The following COPG2 variants were observed in gnomAD, a reference collection of about 807,000 sequenced individuals.
COPG2 encodes coatomer subunit gamma-2.
Under a neutral mutation model 46.3 loss-of-function variants are expected in COPG2, and 37 were observed. The observed-to-expected ratio is 0.80, with a 90% CI of 0.61 to 1.05. COPG2 has a LOEUF of 1.05. Among genes scored for constraint, COPG2 ranks in the 50% least tolerant of loss-of-function variants. The pLI is 0.00. For synonymous variants in COPG2, 159 were observed against 129.7 expected (o/e 1.23, Z -1.53); for missense variants, 427 against 387.8 (o/e 1.10, Z -0.85).
intron 20 of COPG2, among the ~76,000 whole-genome samples, chr7:130,525,913 G>A (rs1196336668): frequency 7.0e-6 from 1 of 143,182 alleles, no homozygotes; most frequent in Non-Finnish European, 1.5e-5. Flanking sequence ...TTCTACACAC[G>A]GGTGTTGTGA....
chr7:130,599,093 G>T (rs1794583951), intron 9 of COPG2, among the ~76,000 whole-genome samples: 1 of 152,172 alleles, frequency 6.6e-6, no homozygotes, highest in African/African-American at 2.4e-5. Flanking sequence ...GCCAGGCAGG[G>T]CCAATGCCCC....
intron 20 of COPG2, among the ~76,000 whole-genome samples, chr7:130,530,038 A>AG (rs1414231374): frequency 1.3e-5 from 2 of 152,048 alleles, no homozygotes; most frequent in African/African-American, 4.8e-5. Flanking sequence ...GAGTTTGGAG[A>AG]GGGTCAGGGT....
intron 5 of COPG2, among the ~76,000 whole-genome samples, chr7:130,617,788 T>C (rs1584582933): frequency 6.6e-6 from 1 of 152,278 alleles, no homozygotes; most frequent in Middle Eastern, 3.4e-3. Context: ...CTGATAGTCC[T>C]TCATTTCTTT....
intron 5 of COPG2, among the ~76,000 whole-genome samples, chr7:130,636,048 T>C (rs1451500084): frequency 6.6e-6 from 1 of 152,216 alleles, no homozygotes; most frequent in Admixed American, 6.5e-5. Flanking sequence ...TCTAATTGGA[T>C]TGCACCATGG....
intron 20 of COPG2, among the ~76,000 whole-genome samples, chr7:130,543,168 G>A (rs1241130865): frequency 6.6e-6 from 1 of 152,192 alleles, no homozygotes; most frequent in Admixed American, 6.5e-5. Flanking sequence ...TGCAAGTGTG[G>A]GGGTTGGACA....
chr7:130,628,345 CTAGTT>C (rs1227945584), intron 5 of COPG2, among the ~76,000 whole-genome samples: 4 of 151,860 alleles, frequency 2.6e-5, no homozygotes, highest in Admixed American at 6.6e-5. Flanking sequence ...ACTTCCTTTA[CTAGTT>C]TATTGTTTAT....
chr7:130,563,067 A>G (rs948742239), intron 11 of COPG2, among the ~76,000 whole-genome samples: 1 of 152,124 alleles, frequency 6.6e-6, no homozygotes, highest in Admixed American at 6.5e-5. Flanking sequence ...TAAAATGCTT[A>G]GAAGTCAGAA....
At chr7:130,513,339 A>ATG (rs1799638034) in intron 20 of COPG2, among the ~76,000 whole-genome samples, 9 of 61,320 alleles carry the variant, frequency 1.5e-4, no homozygotes, top group Non-Finnish European at 3.1e-4. Flanking sequence ...ATATATATAT[A>ATG]TATGTGTGTG....
intron 1 of COPG2, among the ~76,000 whole-genome samples, chr7:130,667,972 A>G (rs1449491155): frequency 1.3e-5 from 2 of 152,190 alleles, no homozygotes; most frequent in Non-Finnish European, 2.9e-5. Context: ...GAGGTTGACT[A>G]ACCCAACCCC....
chr7:130,613,550 A>G lies in COPG2; in HGVS notation c.486T>C (p.Ser162=). ...AAGCTGCTTGTTCACTTACCAGGGA[A>G]GATACCAGTGCTGAACTGGATACAC... is the stretch of plus-strand genomic sequence containing the variant. The part of the protein sequence containing the change: ...VSSVSSSALV[S]SLHMMKISYD... Residue 162 remains serine, a synonymous_variant, in exon 7 of 24, where the codon TCT becomes TCC. Coordinates refer to ENST00000425248, the MANE Select transcript of COPG2 (RefSeq NM_012133.6). 1.9e-6 allele frequency: 3 copies of G among 1,583,662 alleles called. No individual in the cohort carries two copies. The highest frequency in any genetic ancestry group is 2.6e-6 in the Non-Finnish European group (3 of 1,159,094).
intron 20 of COPG2, among the ~76,000 whole-genome samples, chr7:130,530,048 T>C (rs950634456): frequency 6.6e-6 from 1 of 151,572 alleles, no homozygotes; most frequent in Non-Finnish European, 1.5e-5. Flanking sequence ...AGGGTCAGGG[T>C]GTCGGGTGCT....
intron 5 of COPG2, among the ~76,000 whole-genome samples, chr7:130,619,336 TG>T (rs1210640377): frequency 6.6e-6 from 1 of 152,208 alleles, no homozygotes; most frequent in Admixed American, 6.5e-5. Context: ...ACAATACAGA[TG>T]TAAGAGTGTC....
intron 18 of COPG2, among the ~76,000 whole-genome samples, chr7:130,548,766 A>C (rs1161945090): frequency 6.6e-6 from 1 of 151,792 alleles, no homozygotes; most frequent in Non-Finnish European, 1.5e-5. Context: ...AAATACAAAA[A>C]AATTAGTCAG....
At chr7:130,551,836 A>T (rs1793537730) in intron 15 of COPG2, among the ~76,000 whole-genome samples, 1 of 152,234 alleles carries the variant, frequency 6.6e-6, no homozygotes, top group Non-Finnish European at 1.5e-5. Flanking sequence ...TTGCTAAAGC[A>T]AGTCTTTTCC....
rs1554452956 is a variant in COPG2, at chr7:130,616,986, T to C, written c.399+4A>G. 6.3e-7 allele frequency: 1 copy of C among 1,598,786 alleles called. No individual in the cohort carries two copies. The highest frequency in any genetic ancestry group is 1.1e-5 in the South Asian group (1 of 90,192). On this transcript the variant is annotated splice_donor_region_variant and intron_variant, in intron 6 of 23. Transcript: ENST00000425248. ...TTGGTAACTCAGTGAAACAGATAAC[T>C]TACATCGGTGATCCTGCAGAGAGCT... is the stretch of plus-strand genomic sequence containing the variant.
At chr7:130,629,154 T>C (rs1795176463) in intron 5 of COPG2, among the ~76,000 whole-genome samples, 1 of 152,190 alleles carries the variant, frequency 6.6e-6, no homozygotes, top group South Asian at 2.1e-4. Context: ...CTATAATCTG[T>C]TTCTATTTGT....
At chr7:130,587,426 T>G (rs967985707) in intron 9 of COPG2, among the ~76,000 whole-genome samples, 1 of 152,100 alleles carries the variant, frequency 6.6e-6, no homozygotes, top group Non-Finnish European at 1.5e-5. Context: ...ACAAAAATCA[T>G]TCTGTTAATG....
intron 20 of COPG2, among the ~76,000 whole-genome samples, chr7:130,519,545 A>G (rs1002141994): frequency 6.6e-6 from 1 of 152,238 alleles, no homozygotes; most frequent in African/African-American, 2.4e-5. Flanking sequence ...GAATGAAGAA[A>G]GAATGCTGGA....
Position 130,539,747 on chromosome 7 carries a change from C to T in COPG2, c.2149+7927G>A, listed in dbSNP as rs952967817. 9.8e-4 allele frequency among the ~76,000 whole-genome samples: 149 copies of T among 152,114 alleles called. 1 individual carries two copies. The highest frequency in any genetic ancestry group is 8.2e-3 in the Admixed American group (125 of 15,260). On this transcript the variant is annotated intron_variant, in intron 20 of 23. Transcript: ENST00000425248. ...AGAAGACAGACAGGGTGGAGGGGCC[C>T]CCAGGGAAGGATGGAGGGCAGAAAG...
Sources: gnomAD v4.1 joint callset for allele counts (sites outside exome capture counted in the v4.1 genomes callset) on GRCh38, gnomAD v4.1.1 for gene constraint, MANE v1.5 for transcripts, NCBI Gene and HGNC (gene_info 2026-07-23, HGNC 2026-07-21) for gene names.